Variants in KCNH1 observed in about 807,000 individuals in gnomAD.
KCNH1 encodes the protein potassium voltage-gated channel subfamily H member 1.
KCNH1 carries 27 observed loss-of-function variants against 69.2 expected under a neutral mutation model. The observed-to-expected ratio is 0.39, with a 90% CI of 0.29 to 0.54. KCNH1 has a LOEUF of 0.54. Ranked by LOEUF, KCNH1 falls within the 20% of genes least tolerant of loss-of-function variation. The pLI is 0.68. For missense variants in KCNH1, 798 were observed against 1,261.6 expected (o/e 0.63, Z 5.57); for synonymous variants, 456 against 487.7 (o/e 0.93, Z 0.86).
At chr1:210,719,243 C>A (rs1682391163) in intron 10 of KCNH1, among the ~76,000 whole-genome samples, 1 of 152,144 alleles carries the variant, frequency 6.6e-6, no homozygotes, top group Non-Finnish European at 1.5e-5. Context: ...TTGTATCAGA[C>A]AGCACCAGCT....
chr1:210,991,224 G>A (rs374323022), intron 6 of KCNH1, among the ~76,000 whole-genome samples: 1 of 152,196 alleles, frequency 6.6e-6, no homozygotes, highest in Non-Finnish European at 1.5e-5. Flanking sequence ...ATGGTTGGAT[G>A]AATGGACAAA....
intron 4 of KCNH1, among the ~76,000 whole-genome samples, chr1:211,088,424 G>A (rs984215250): frequency 7.9e-5 from 12 of 152,184 alleles, no homozygotes; most frequent in African/African-American, 2.9e-4. Context: ...TTTGATCCCT[G>A]TAGCCAAAAC....
chr1:211,103,464 A>G, intron 3 of KCNH1, 32 bp downstream of exon 3: 1 of 1,367,136 alleles, frequency 7.3e-7, no homozygotes, highest in Non-Finnish European at 1.0e-6. Flanking sequence ...CAAACACATA[A>G]AGGTATGGTT....
At chr1:211,023,156 A>T (rs776595157) in intron 5 of KCNH1, among the ~76,000 whole-genome samples, 207 of 101,658 alleles carry the variant, frequency 2.0e-3, no homozygotes, top group Non-Finnish European at 3.2e-3. Context: ...ATAAATAAAT[A>T]AATAAATTAA....
chr1:210,889,934 G>A (rs1686708871), intron 7 of KCNH1, among the ~76,000 whole-genome samples: 1 of 152,180 alleles, frequency 6.6e-6, no homozygotes, highest in Non-Finnish European at 1.5e-5. Flanking sequence ...CTCATGGATA[G>A]GAAGAATCAG....
intron 9 of KCNH1, among the ~76,000 whole-genome samples, chr1:210,792,570 G>C (rs1684230809): frequency 6.8e-6 from 1 of 147,766 alleles, no homozygotes; most frequent in African/African-American, 2.6e-5. Context: ...TAACCAGCTA[G>C]TGGCAACTCC....
chr1:211,082,668 C>T (rs976339489), intron 5 of KCNH1, 112 bp downstream of exon 5: 2 of 807,692 alleles, frequency 2.5e-6, no homozygotes, highest in Admixed American at 2.2e-5. Context: ...AGACAGGCGT[C>T]TGGGGGTCCT....
chr1:210,811,798 T>C (rs1340575301), intron 7 of KCNH1, among the ~76,000 whole-genome samples: 2 of 152,184 alleles, frequency 1.3e-5, no homozygotes, highest in African/African-American at 4.8e-5. Context: ...ATTGTCACTA[T>C]TTAGCAGGTA....
chr1:211,063,275 T>C (rs981426375), intron 5 of KCNH1: 2 of 151,902 alleles, frequency 1.3e-5, no homozygotes, highest in Non-Finnish European at 2.9e-5. Context: ...GAAGATAGGG[T>C]AGAATTACCG....
intron 6 of KCNH1, among the ~76,000 whole-genome samples, chr1:210,957,008 G>A (rs1481776032): frequency 6.6e-6 from 1 of 151,900 alleles, no homozygotes; most frequent in Non-Finnish European, 1.5e-5. Context: ...GTGATGTTAG[G>A]GTGTCGATTT....
intron 7 of KCNH1, among the ~76,000 whole-genome samples, chr1:210,811,104 G>T (rs1219604981): frequency 6.6e-6 from 1 of 152,192 alleles, no homozygotes; most frequent in African/African-American, 2.4e-5. Context: ...AATATTCAGT[G>T]TACAAAGTTC....
Position 211,082,891 on chromosome 1 carries a change from C to T in KCNH1, c.447G>A (p.Gly149=), listed in dbSNP as rs2102467292. The change falls in exon 5 of 11, where the codon GGG becomes GGA. Residue 149 remains glycine (G), a synonymous_variant. Coordinates refer to ENST00000271751, the MANE Select transcript of KCNH1 (RefSeq NM_172362.3). ...PIEDDSCKGW[G]KFARLTRALT... ...GTGCTCTTGTCAGCCGAGCAAACTT[C>T]CCCCAGCCTGAAGCAAGTGGAAGAG... 1 of 1,613,242 alleles carries T rather than the reference C, an allele frequency of 6.2e-7. No homozygotes were observed. Among genetic ancestry groups the T allele is most frequent in the South Asian group, 1.1e-5 (1 of 90,986 alleles).
intron 6 of KCNH1, among the ~76,000 whole-genome samples, chr1:211,004,759 A>G (rs1384422894): frequency 6.6e-6 from 1 of 152,150 alleles, no homozygotes; most frequent in Non-Finnish European, 1.5e-5. Flanking sequence ...TATCTAAAAT[A>G]CAAGAATATA....
At chr1:211,025,296 C>T (rs569929602) in intron 5 of KCNH1, among the ~76,000 whole-genome samples, 1 of 152,190 alleles carries the variant, frequency 6.6e-6, no homozygotes, top group East Asian at 1.9e-4. Context: ...AGCTGAATAC[C>T]CCTGTTTCCC....
chr1:210,982,672 T>A (rs972264730), intron 6 of KCNH1, among the ~76,000 whole-genome samples: 1 of 152,202 alleles, frequency 6.6e-6, no homozygotes, highest in African/African-American at 2.4e-5. Flanking sequence ...TCTATCGTTG[T>A]TGGACATTTG....
In KCNH1 at chr1:210,683,294, A is replaced by G. The variant is rs770510070; in HGVS notation, c.2957T>C (p.Phe986Ser). ...PQSPESERDI[F>S]GAS Reference sequence around the variant, plus strand: ...TAAATAGACCTCTCAGCTGGCTCCAAAAATGTCTCTCTCTGATTCTGGGGA... The same window carrying G: ...TAAATAGACCTCTCAGCTGGCTCCAGAAATGTCTCTCTCTGATTCTGGGGA... Residue 986 changes from phenylalanine (F) to serine (S), a missense_variant, in exon 11 of 11, where the codon TTT (phenylalanine) becomes TCT (serine). Transcript: ENST00000271751. This position sits in a 1 kb window ranked among gnomAD's most constrained non-coding sequence, Gnocchi z 5.7. The G allele has an allele frequency of 1.3e-5, 21 of 1,612,970 alleles. No homozygotes were observed. In the South Asian group the frequency reaches 2.1e-4, roughly 16 times the overall value.
chr1:210,958,234 G>T (rs1688219374), intron 6 of KCNH1, among the ~76,000 whole-genome samples: 1 of 152,122 alleles, frequency 6.6e-6, no homozygotes, highest in Admixed American at 6.6e-5. Context: ...TTGAATATTG[G>T]GCCCCACTCT....
chr1:210,952,012 CG>C (rs1688071761), intron 6 of KCNH1, among the ~76,000 whole-genome samples: 1 of 152,210 alleles, frequency 6.6e-6, no homozygotes, highest in South Asian at 2.1e-4. Context: ...GACACTTGCG[CG>C]GGGTACACAG....
chr1:210,873,073 T>C (rs1181484696), intron 7 of KCNH1, among the ~76,000 whole-genome samples: 1 of 152,228 alleles, frequency 6.6e-6, no homozygotes, highest in Non-Finnish European at 1.5e-5. Flanking sequence ...TTGTCCATTT[T>C]CTCATTTTTC....
Sources: gnomAD v4.1 joint callset for allele counts (sites outside exome capture counted in the v4.1 genomes callset) on GRCh38, gnomAD v4.1.1 for gene constraint, Gnocchi (gnomAD v3.1) non-coding constraint, MANE v1.5 for transcripts, NCBI Gene and HGNC (gene_info 2026-07-23, HGNC 2026-07-21) for gene names.